CENPI: variants seen among roughly 807,000 people sequenced by gnomAD.
CENPI encodes centromere protein I, also known as FSH primary response 1.
In CENPI, 4 loss-of-function variants were observed where a neutral mutation model predicts 60.4. The observed-to-expected ratio is 0.07, with a 90% CI of 0.03 to 0.15. The LOEUF is 0.15. Ranked by LOEUF, CENPI falls within the 10% of genes least tolerant of loss-of-function variation. The probability of loss-of-function intolerance (pLI) is 1.00; values close to 1 mark genes in which losing one functional copy is unlikely to be tolerated. For synonymous variants in CENPI, 157 were observed against 189.4 expected (o/e 0.83, Z 1.40); for missense variants, 444 against 534.5 (o/e 0.83, Z 1.67).
chrX:101,140,622 T>TCTGA, intron 15 of CENPI, 44 bp from the exon 16 acceptor site: 1 of 934,880 alleles, frequency 1.1e-6, no homozygotes, highest in Non-Finnish European at 1.5e-6. Flanking sequence ...CACTGTTATG[T>TCTGA]CTGAATGATT....
intron 13 of CENPI, among the ~76,000 whole-genome samples, chrX:101,131,491 C>G (rs2089795374): frequency 9.0e-6 from 1 of 111,429 alleles, no homozygotes; most frequent in Admixed American, 9.6e-5. Flanking sequence ...TAAGAGATGC[C>G]TAATGGGACA....
In CENPI at chrX:101,157,766, G is replaced by A. The variant is rs376861105; in HGVS notation, c.2095-3762G>A. 4.6e-5 allele frequency among the ~76,000 whole-genome samples: 5 copies of A among 109,316 alleles called. No homozygotes were observed. The South Asian group carries it at 2.0e-3, about 43-fold the overall frequency. The allele number at this position is 109,316 out of a possible 115,157, so 94.9% of individuals were successfully genotyped here. Reference sequence around the variant, plus strand: ...TATAATGATCAAGTTAGAGTAAATGGGATATCTATCAACTCAAACACTTAC... The same window carrying A: ...TATAATGATCAAGTTAGAGTAAATGAGATATCTATCAACTCAAACACTTAC... On this transcript the variant is annotated intron_variant, in intron 20 of 21. Transcript: ENST00000682095.
At chrX:101,173,191 T>G in the CENPI span, among the ~76,000 whole-genome samples, 6 of 108,025 alleles carry the variant, frequency 5.6e-5, no homozygotes, top group African/African-American at 2.0e-4. Context: ...AATTTTTGTA[T>G]TTTTAGTAGA....
At position 101,120,528 on chromosome X, in the gene CENPI, A is replaced by G. The variant is rs965993759; in HGVS notation, c.640+78A>G. 5 of 624,158 alleles carry G rather than the reference A, an allele frequency of 8.0e-6. No homozygotes were observed. In the African/African-American group the frequency reaches 8.8e-5, roughly 11 times the overall value. 51.4% of individuals were successfully genotyped at this position (624,158 alleles called of 1,213,427 possible). On this transcript the variant is annotated intron_variant, in intron 7 of 21. Coordinates refer to ENST00000682095, the MANE Select transcript of CENPI (RefSeq NM_001386188.2). ...TGGCCTTTATAAAGTTAAAATAACT[A>G]TTAGCATTAGTTATATGACAGAAGT...
At chrX:101,118,747 C>T (rs1358283516) in intron 6 of CENPI, among the ~76,000 whole-genome samples, 2 of 112,238 alleles carry the variant, frequency 1.8e-5, no homozygotes, top group Non-Finnish European at 3.8e-5. Flanking sequence ...TTGTGTAACA[C>T]TCATTTCATA....
In CENPI at chrX:101,163,909, C is replaced by A. The variant is rs1451097214; in HGVS notation, c.*942C>A. Among the ~76,000 whole-genome samples the A allele has an allele frequency of 9.1e-6, 1 of 110,459 alleles. No individual in the cohort carries two copies. The highest frequency in any genetic ancestry group is 1.9e-5 in the Non-Finnish European group (1 of 52,832). On this transcript the variant is annotated 3_prime_UTR_variant, in exon 22 of 22. Coordinates refer to ENST00000682095, the MANE Select transcript of CENPI (RefSeq NM_001386188.2). ...AATTGGCCGGGCATGCCGGCACGTG[C>A]CTGTAGTCCCAGCTACTCAGGAGGC...
chrX:101,158,493 G>A lies in CENPI; in HGVS notation c.2095-3035G>A, dbSNP rs1445608821. On this transcript the variant is annotated intron_variant, in intron 20 of 21. Coordinates refer to ENST00000682095, the MANE Select transcript of CENPI (RefSeq NM_001386188.2). Reference sequence around the variant, plus strand: ...GAGTTTCACCATGTTGACCAGGCTGGTTTGAACTCCTGACCACAGGTGACC... The same window carrying A: ...GAGTTTCACCATGTTGACCAGGCTGATTTGAACTCCTGACCACAGGTGACC... Among the ~76,000 whole-genome samples the A allele has an allele frequency of 3.6e-5, 4 of 110,052 alleles. No individual in the cohort carries two copies. The South Asian group carries it at 1.6e-3, about 44-fold the overall frequency.
intron 21 of CENPI, 40 bp from the exon 22 acceptor site, chrX:101,162,793 A>C: frequency 8.4e-7 from 1 of 1,196,825 alleles, no homozygotes; most frequent in Non-Finnish European, 1.1e-6. Context: ...AAGCATAGTA[A>C]AATATTCGAT....
chrX:101,109,503 G>T lies in CENPI; in HGVS notation c.395G>T (p.Cys132Phe). Reference sequence around the variant, plus strand: ...GCTGTAAACACACGGATATTGAAGTGCATGATCCCAGCAACAGTAATATCA... The same window carrying T: ...GCTGTAAACACACGGATATTGAAGTTCATGATCCCAGCAACAGTAATATCA... ...GNAVNTRILK[C>F]MIPATVISED... is the part of the protein sequence containing the mutation. The change falls in exon 5 of 22, where the codon TGC becomes TTC. Residue 132 changes from cysteine to phenylalanine, a missense_variant. Physicochemically the swap from Cys to Phe is radical, Grantham distance 205. Coordinates refer to ENST00000682095, the MANE Select transcript of CENPI (RefSeq NM_001386188.2). 8.3e-7 allele frequency: 1 copy of T among 1,208,797 alleles called. No individual in the cohort carries two copies. Among genetic ancestry groups the T allele is most frequent in the Non-Finnish European group, 1.1e-6 (1 of 892,677 alleles).
chrX:101,126,776 T>C lies in CENPI; in HGVS notation c.755T>C (p.Val252Ala). The change falls in exon 9 of 22, where the codon GTA becomes GCA. Residue 252 changes from valine to alanine, a missense_variant. Physicochemically the swap from Val to Ala is moderately conservative, Grantham distance 64. Transcript: ENST00000682095. ...TTCTTTGCTCCTGCTCTGATTTCAG[T>C]ATCTTTGCCTGTAAGGAAGAAGGTA... is the stretch of plus-strand genomic sequence containing the variant. ...YKFFAPALIS[V>A]SLPVRKKIYF... 8.3e-7 allele frequency: 1 copy of C among 1,200,577 alleles called. No individual in the cohort carries two copies. Among genetic ancestry groups the C allele is most frequent in the Non-Finnish European group, 1.1e-6 (1 of 885,366 alleles).
chrX:101,124,761 A>G (rs2089717127), intron 8 of CENPI, among the ~76,000 whole-genome samples: 1 of 111,579 alleles, frequency 9.0e-6, no homozygotes, highest in Non-Finnish European at 1.9e-5. Context: ...CCTTCCTGCC[A>G]TCGTGTGAAG....
chrX:101,160,374 TC>T (rs2090096355), intron 20 of CENPI, among the ~76,000 whole-genome samples: 1 of 93,488 alleles, frequency 1.1e-5, no homozygotes, highest in Non-Finnish European at 2.1e-5. Context: ...AGCTTTTAGT[TC>T]TTTTTTTTTT....
intron 4 of CENPI, among the ~76,000 whole-genome samples, chrX:101,104,580 G>A (rs1328692161): frequency 9.0e-6 from 1 of 111,423 alleles, no homozygotes; most frequent in Non-Finnish European, 1.9e-5. Flanking sequence ...AAAAGTTAAG[G>A]CTGGGTATAG....
intron 20 of CENPI, among the ~76,000 whole-genome samples, chrX:101,150,711 A>G (rs186619664): frequency 1.6e-4 from 18 of 110,582 alleles, no homozygotes; most frequent in Non-Finnish European, 2.5e-4. Flanking sequence ...ATATGTAAAA[A>G]TTTACATAAT....
intron 15 of CENPI, among the ~76,000 whole-genome samples, chrX:101,137,637 T>C (rs953183702): frequency 2.7e-5 from 3 of 111,192 alleles, no homozygotes; most frequent in African/African-American, 9.8e-5. Flanking sequence ...GTGTAAAGGA[T>C]GCAAGATGAC....
In CENPI at chrX:101,126,720, T is replaced by A. The variant is rs138828574; in HGVS notation, c.699T>A (p.Pro233=). The part of the protein sequence containing the change: ...LDLQAKMGMQ[P]HLQALLSLYK... ...TTATTTTATTTCAGGGAATGCAGCC[T>A]CATCTCCAGGCTTTGTTGTCACTGT... Residue 233 remains proline, a synonymous_variant, in exon 9 of 22, where the codon CCT becomes CCA. Transcript: ENST00000682095. The A allele has an allele frequency of 2.5e-6, 3 of 1,204,808 alleles. No homozygotes were observed. The African/African-American group carries it at 5.2e-5, about 21-fold the overall frequency.
chrX:101,147,869 T>C, intron 19 of CENPI, 58 bp downstream of exon 19: 1 of 1,153,908 alleles, frequency 8.7e-7, no homozygotes, highest in Non-Finnish European at 1.2e-6. Flanking sequence ...AGTCTAGATA[T>C]ATATGACCTG....
chrX:101,145,986 G>A (rs376523622), intron 17 of CENPI, among the ~76,000 whole-genome samples, 167 bp from the exon 18 acceptor site: 1 of 110,310 alleles, frequency 9.1e-6, no homozygotes, highest in African/African-American at 3.3e-5. Flanking sequence ...GCTGATGTTT[G>A]GTGAAGTATA....
At chrX:101,154,022 C>G (rs1371667219) in intron 20 of CENPI, among the ~76,000 whole-genome samples, 1 of 111,789 alleles carries the variant, frequency 8.9e-6, no homozygotes, top group Admixed American at 9.6e-5. Flanking sequence ...GCTACTCTTT[C>G]CCATTAAAAT....
Sources: allele counts gnomAD v4.1 joint callset (sites outside exome capture counted in the v4.1 genomes callset), GRCh38; gene constraint gnomAD v4.1.1; transcripts MANE v1.5; gene names NCBI Gene and HGNC (gene_info 2026-07-23, HGNC 2026-07-21).